CTIF: variants seen among roughly 807,000 people sequenced by gnomAD.
CTIF encodes cap binding complex dependent translation initiation factor.
Under a neutral mutation model 66.0 loss-of-function variants are expected in CTIF, and 21 were observed. That is an observed-to-expected ratio of 0.32 (90% CI 0.23 to 0.46). The LOEUF is 0.46. CTIF is among the 20% of genes least tolerant of loss of function. The pLI is 1.00. For synonymous variants in CTIF, 345 were observed against 326.4 expected, an observed-to-expected ratio of 1.06 and a Z score of -0.62; for missense variants, 739 against 812.7, an observed-to-expected ratio of 0.91 and a Z score of 1.10.
At chr18:48,824,627 T>A (rs1472931279) in intron 10 of CTIF, among the ~76,000 whole-genome samples, 1 of 152,160 alleles carries the variant, frequency 6.6e-6, no homozygotes, top group East Asian at 1.9e-4. Flanking sequence ...TCTCCTTTTT[T>A]TTTTTGTTTT....
intron 6 of CTIF, among the ~76,000 whole-genome samples, chr18:48,704,925 A>G (rs1489357181): frequency 1.3e-5 from 2 of 152,224 alleles, no homozygotes; most frequent in East Asian, 3.9e-4. Flanking sequence ...CAGGGTGGGC[A>G]CATCTCGGCC....
At chr18:48,572,363 A>G (rs2143669547) in intron 1 of CTIF, among the ~76,000 whole-genome samples, 1 of 152,332 alleles carries the variant, frequency 6.6e-6, no homozygotes, top group South Asian at 2.1e-4. Context: ...CGTAGAATTA[A>G]CCATCACAGA....
At chr18:48,611,758 C>A (rs2090311941) in intron 1 of CTIF, among the ~76,000 whole-genome samples, 1 of 152,152 alleles carries the variant, frequency 6.6e-6, no homozygotes, top group South Asian at 2.1e-4. Flanking sequence ...AACAAAAGTC[C>A]CACAAATTGA....
intron 4 of CTIF, 110 bp from the exon 5 acceptor site, chr18:48,664,337 G>A (rs959394110): frequency 7.5e-6 from 7 of 928,526 alleles, no homozygotes; most frequent in Non-Finnish European, 1.2e-5. Flanking sequence ...GGCCCCTGGC[G>A]GCTCCTTTCT....
intron 10 of CTIF, among the ~76,000 whole-genome samples, chr18:48,851,643 G>T (rs1364359952): frequency 6.6e-6 from 1 of 152,102 alleles, no homozygotes; most frequent in African/African-American, 2.4e-5. Context: ...ACACACCAGG[G>T]CCCCAGGCGC....
chr18:48,645,050 C>A (rs946881956), intron 3 of CTIF, among the ~76,000 whole-genome samples: 1 of 152,144 alleles, frequency 6.6e-6, no homozygotes, highest in East Asian at 1.9e-4. Flanking sequence ...TAAACTTCTG[C>A]TTCTGGAAAA....
chr18:48,702,539 G>C (rs1044592331), intron 6 of CTIF, among the ~76,000 whole-genome samples: 2 of 152,212 alleles, frequency 1.3e-5, no homozygotes, highest in Non-Finnish European at 2.9e-5. Context: ...TTAGGTTCAC[G>C]CCACAGGGCA....
intron 7 of CTIF, among the ~76,000 whole-genome samples, chr18:48,741,420 C>CTTTTTTT (rs11425141): frequency 9.5e-6 from 1 of 104,838 alleles, no homozygotes; most frequent in Non-Finnish European, 1.8e-5. Context: ...GTGACCAGGG[C>CTTTTTTT]TTTTTTTTTT....
chr18:48,566,786 C>T (rs1050808155), intron 1 of CTIF: 8 of 152,140 alleles, frequency 5.3e-5, no homozygotes, highest in African/African-American at 1.9e-4. Flanking sequence ...TGTGGAAACC[C>T]CTTTGGGCTC....
At chr18:48,797,090 A>G (rs1438814600) in intron 9 of CTIF, among the ~76,000 whole-genome samples, 3 of 152,198 alleles carry the variant, frequency 2.0e-5, no homozygotes, top group African/African-American at 7.2e-5. Context: ...CACCCGGTAG[A>G]TGATTTCCCA....
In CTIF at chr18:48,698,435, A is replaced by G. The variant is rs114700583; in HGVS notation, c.508-13184A>G. Among the ~76,000 whole-genome samples the G allele has an allele frequency of 6.6e-3, 996 of 152,006 alleles. 12 individuals carry two copies. Among genetic ancestry groups the G allele is most frequent in the African/African-American group, 0.023 (946 of 41,466 alleles). On this transcript the variant is annotated intron_variant, in intron 6 of 11. Transcript: ENST00000256413. ...CTTGTGTTGCCCCGGCTGGTCTCGA[A>G]CTCCTGGGTTCCAGTGATTCTCCTA...
intron 6 of CTIF, among the ~76,000 whole-genome samples, chr18:48,696,454 G>A (rs1047240404): frequency 2.0e-5 from 3 of 152,090 alleles, no homozygotes; most frequent in African/African-American, 7.2e-5. Context: ...TCACCGTCCC[G>A]GCCTGTGTTA....
intron 1 of CTIF, among the ~76,000 whole-genome samples, chr18:48,552,443 A>G (rs1340149157): frequency 2.0e-5 from 3 of 152,160 alleles, no homozygotes; most frequent in Non-Finnish European, 4.4e-5. Context: ...AACAGGAGAA[A>G]CTTATTTCTT....
At chr18:48,539,848 G>A (rs2088563340) in intron 1 of CTIF, 1 of 152,614 alleles carries the variant, frequency 6.6e-6, no homozygotes, top group Non-Finnish European at 1.5e-5. Flanking sequence ...AGCCCGTCTC[G>A]GGGTGGCGTT....
chr18:48,630,271 A>G (rs964397247), intron 2 of CTIF, among the ~76,000 whole-genome samples: 2 of 151,822 alleles, frequency 1.3e-5, no homozygotes, highest in African/African-American at 4.8e-5. Context: ...TCCACTAGGG[A>G]ATCTTGGAAT....
rs2091522648 is a variant in CTIF at position 48,670,872 on chromosome 18, AT to A, written c.507+129del. 2.6e-5 allele frequency: 19 copies of A among 738,166 alleles called. No individual in the cohort carries two copies. The South Asian group carries it at 2.8e-4, about 11-fold the overall frequency. 45.7% of individuals were successfully genotyped at this position (738,166 alleles called of 1,614,324 possible). On this transcript the variant is annotated intron_variant, in intron 6 of 11. Transcript: ENST00000256413. ...TCCAGCAAGGAGTGTAACCGCCTGTATGGTAGTAATAGGCAGGGCTGGCTAC... is the reference window on the plus strand; with the variant it reads ...TCCAGCAAGGAGTGTAACCGCCTGTAGGTAGTAATAGGCAGGGCTGGCTAC...
At chr18:48,823,828 C>A (rs1280371144) in intron 10 of CTIF, among the ~76,000 whole-genome samples, 1 of 152,092 alleles carries the variant, frequency 6.6e-6, no homozygotes, top group Non-Finnish European at 1.5e-5. Context: ...CCCACTCTTA[C>A]CACTCCTATT....
intron 1 of CTIF, among the ~76,000 whole-genome samples, chr18:48,609,113 T>C (rs2090260950): frequency 6.6e-6 from 1 of 152,204 alleles, no homozygotes; most frequent in Non-Finnish European, 1.5e-5. Flanking sequence ...GAAGAGAGAA[T>C]GGATCTCTGT....
chr18:48,675,046 G>T (rs945705421), intron 6 of CTIF, among the ~76,000 whole-genome samples: 15 of 150,854 alleles, frequency 9.9e-5, no homozygotes, highest in Middle Eastern at 3.5e-3. Flanking sequence ...GGTGGTGGGG[G>T]GTCGGCGGGG....
Sources: gnomAD v4.1 joint callset for allele counts (sites outside exome capture counted in the v4.1 genomes callset) on GRCh38, gnomAD v4.1.1 for gene constraint, MANE v1.5 for transcripts, NCBI Gene and HGNC (gene_info 2026-07-23, HGNC 2026-07-21) for gene names.